Variants in SORCS3 observed in about 807,000 individuals in gnomAD.
SORCS3 encodes VPS10 domain-containing receptor SorCS3.
SORCS3 carries 57 observed loss-of-function variants against 146.3 expected under a neutral mutation model. The ratio of observed to expected loss-of-function variants is 0.39; its 90% confidence interval spans 0.31 to 0.49. The LOEUF (loss-of-function observed/expected upper bound fraction) is 0.49. SORCS3 is among the 20% of genes least tolerant of loss of function. The probability of loss-of-function intolerance (pLI) is 0.92; values close to 1 mark genes in which losing one functional copy is unlikely to be tolerated. For missense variants in SORCS3, 1,341 were observed against 1,575.5 expected (o/e 0.85, Z 2.52); for synonymous variants, 653 against 618.5 (o/e 1.06, Z -0.83).
intron 20 of SORCS3, among the ~76,000 whole-genome samples, chr10:105,242,708 T>TTATATATTTATATACATTTA (rs1275377627): frequency 1.0e-5 from 1 of 98,072 alleles, no homozygotes; most frequent in Non-Finnish European, 1.8e-5. Flanking sequence ...ATTTATATAT[T>TTATATATTTATATACATTTA]TATATATTTA....
intron 4 of SORCS3, among the ~76,000 whole-genome samples, chr10:104,999,040 T>G (rs1049618302): frequency 2.0e-4 from 31 of 152,192 alleles, no homozygotes; most frequent in Admixed American, 5.2e-4. Flanking sequence ...TGTCACTTGA[T>G]GGCAAACCTT....
At chr10:105,168,802 G>A (rs1344206268) in intron 13 of SORCS3, among the ~76,000 whole-genome samples, 1 of 152,080 alleles carries the variant, frequency 6.6e-6, no homozygotes, top group Non-Finnish European at 1.5e-5. Context: ...GCTTAACCTA[G>A]CTTATAGTGA....
chr10:104,644,724 G>A (rs1270018954), intron 1 of SORCS3, among the ~76,000 whole-genome samples: 1 of 152,208 alleles, frequency 6.6e-6, no homozygotes, highest in Non-Finnish European at 1.5e-5. Context: ...TATTAGACAT[G>A]TCCTTATTCA....
chr10:104,823,549 C>T (rs1271675533), intron 1 of SORCS3, among the ~76,000 whole-genome samples: 1 of 152,074 alleles, frequency 6.6e-6, no homozygotes, highest in African/African-American at 2.4e-5. Context: ...ATCCTTCTCA[C>T]TAGGCTTTCT....
At chr10:104,917,414 T>G (rs776072468) in intron 3 of SORCS3, among the ~76,000 whole-genome samples, 10 of 152,336 alleles carry the variant, frequency 6.6e-5, no homozygotes, top group South Asian at 2.1e-4. Context: ...AACATACTGT[T>G]TTGAAGTACA....
In SORCS3 at chr10:105,139,393, C is replaced by A; in HGVS notation, c.1213-4C>A. The A allele has an allele frequency of 6.2e-7, 1 of 1,610,936 alleles. No individual in the cohort carries two copies. Among genetic ancestry groups the A allele is most frequent in the Admixed American group, 1.7e-5 (1 of 60,004 alleles). On this transcript the variant is annotated splice_region_variant and splice_polypyrimidine_tract_variant and intron_variant, in intron 7 of 26. Transcript: ENST00000369701. ...GATCTCTTTGTGTTTCCCCCACAATCTAGGTAACAACTAGTGGAAGAGCCA... is the reference window on the plus strand; with the variant it reads ...GATCTCTTTGTGTTTCCCCCACAATATAGGTAACAACTAGTGGAAGAGCCA...
At chr10:105,258,980 CT>C (rs2056945749) in intron 25 of SORCS3, among the ~76,000 whole-genome samples, 1 of 152,112 alleles carries the variant, frequency 6.6e-6, no homozygotes, top group South Asian at 2.1e-4. Context: ...GTGGGATTTT[CT>C]TTTATTTTTT....
rs6584635 is a variant in SORCS3, at chr10:104,915,827, C to T, written c.696-6C>T. On this transcript the variant is annotated splice_region_variant and splice_polypyrimidine_tract_variant and intron_variant, in intron 2 of 26. Transcript: ENST00000369701. ...TCTCCCTCTCTGTTTTCTCTTTTACCTGCAGGTCGACAGATTATGGCACCA... is the reference window on the plus strand; with the variant it reads ...TCTCCCTCTCTGTTTTCTCTTTTACTTGCAGGTCGACAGATTATGGCACCA... 406,499 of 1,612,622 alleles carry T rather than the reference C, an allele frequency of 0.25. 56,378 individuals are homozygous for T. Among genetic ancestry groups the T allele is most frequent in the African/African-American group, 0.55 (41,112 of 74,860 alleles).
intron 5 of SORCS3, among the ~76,000 whole-genome samples, chr10:105,063,049 T>C (rs1400434233): frequency 6.6e-6 from 1 of 152,226 alleles, no homozygotes; most frequent in African/African-American, 2.4e-5. Flanking sequence ...CGCTAATTGC[T>C]GAATGATTTT....
At chr10:104,939,609 A>C (rs1306674664) in intron 3 of SORCS3, among the ~76,000 whole-genome samples, 1 of 152,072 alleles carries the variant, frequency 6.6e-6, no homozygotes, top group Non-Finnish European at 1.5e-5. Flanking sequence ...ACCACTGGGG[A>C]AGAGGGAGGT....
chr10:104,658,196 A>G (rs1659770103), intron 1 of SORCS3, among the ~76,000 whole-genome samples: 1 of 152,220 alleles, frequency 6.6e-6, no homozygotes, highest in South Asian at 2.1e-4. Context: ...CTAACTGAAT[A>G]TATGCTTCTT....
chr10:105,048,205 A>G (rs2055387205), intron 5 of SORCS3, among the ~76,000 whole-genome samples: 1 of 151,528 alleles, frequency 6.6e-6, no homozygotes, highest in South Asian at 2.1e-4. Flanking sequence ...AAGGATTATA[A>G]ATCATGCTGC....
At chr10:104,856,334 A>G (rs1054128122) in intron 2 of SORCS3, among the ~76,000 whole-genome samples, 1 of 150,788 alleles carries the variant, frequency 6.6e-6, no homozygotes, top group African/African-American at 2.4e-5. Context: ...TATAAATTAG[A>G]GGTATATATT....
rs559708704 is a variant in SORCS3, at chr10:104,734,021, A to G, written c.627+92067A>G. On this transcript the variant is annotated intron_variant, in intron 1 of 26. Coordinates refer to ENST00000369701, the MANE Select transcript of SORCS3 (RefSeq NM_014978.3). ...TGCCCTCATGCAATAGGAGGCATTCAGCAGACAATAACTGGATTGAGGTGG... is the reference window on the plus strand; with the variant it reads ...TGCCCTCATGCAATAGGAGGCATTCGGCAGACAATAACTGGATTGAGGTGG... Among the ~76,000 whole-genome samples the G allele has an allele frequency of 2.0e-5, 3 of 152,308 alleles. No homozygotes were observed. In the South Asian group the frequency reaches 6.2e-4, roughly 32 times the overall value.
chr10:104,903,041 A>T (rs2018868197), intron 2 of SORCS3, among the ~76,000 whole-genome samples: 1 of 152,238 alleles, frequency 6.6e-6, no homozygotes, highest in Admixed American at 6.5e-5. Context: ...CATTGTTTAA[A>T]TAAATGGCCG....
chr10:104,849,774 G>T (rs2018253913), intron 2 of SORCS3, among the ~76,000 whole-genome samples: 1 of 152,202 alleles, frequency 6.6e-6, no homozygotes, highest in South Asian at 2.1e-4. Flanking sequence ...TAGCTCAGCA[G>T]CCTCAGCCAG....
intron 7 of SORCS3, among the ~76,000 whole-genome samples, chr10:105,115,059 C>A (rs932560323): frequency 7.2e-5 from 11 of 152,194 alleles, no homozygotes; most frequent in African/African-American, 2.6e-4. Flanking sequence ...ATGCCAGGTG[C>A]AATGGAGCAT....
chr10:105,259,067 G>A (rs927270525), intron 25 of SORCS3, among the ~76,000 whole-genome samples: 1 of 152,128 alleles, frequency 6.6e-6, no homozygotes, highest in Admixed American at 6.5e-5. Flanking sequence ...CAACAAGTAC[G>A]TAGGTCAGGT....
Position 105,158,998 on chromosome 10 carries a change from A to G in SORCS3, c.1732+4A>G. On this transcript the variant is annotated splice_donor_region_variant and intron_variant, in intron 11 of 26. Coordinates refer to ENST00000369701, the MANE Select transcript of SORCS3 (RefSeq NM_014978.3). ...CCAGGACTTGTGGTGGCTACAGGTA[A>G]GAAAAACATTCCCTGTGCTTCTTCC... 6.3e-7 allele frequency: 1 copy of G among 1,592,238 alleles called. No homozygotes were observed. The highest frequency in any genetic ancestry group is 8.6e-7 in the Non-Finnish European group (1 of 1,161,788).
Sources: gnomAD v4.1 joint callset for allele counts (sites outside exome capture counted in the v4.1 genomes callset) on GRCh38, gnomAD v4.1.1 for gene constraint, MANE v1.5 for transcripts, NCBI Gene and HGNC (gene_info 2026-07-23, HGNC 2026-07-21) for gene names.